The following PPP2R3A variants were observed in gnomAD, a reference collection of about 807,000 sequenced individuals.
The protein encoded by PPP2R3A is protein phosphatase 2 regulatory subunit B''alpha.
A neutral mutation model predicts 106.9 loss-of-function variants in PPP2R3A; 80 were observed. The observed-to-expected ratio is 0.75, with a 90% CI of 0.62 to 0.90. The LOEUF is 0.90. Among genes scored for constraint, PPP2R3A ranks in the 40% least tolerant of loss-of-function variants. PPP2R3A has a pLI of 0.00. For synonymous variants in PPP2R3A, 483 were observed against 468.3 expected, an observed-to-expected ratio of 1.03 and a Z score of -0.41; for missense variants, 1,386 against 1,350.4, an observed-to-expected ratio of 1.03 and a Z score of -0.41.
At chr3:135,990,051 A>G (rs1933094769) in intron 1 of PPP2R3A, among the ~76,000 whole-genome samples, 1 of 152,140 alleles carries the variant, frequency 6.6e-6, no homozygotes, top group Non-Finnish European at 1.5e-5. Flanking sequence ...TCTTATTTCT[A>G]CAGTCATTAC....
chr3:135,974,336 A>G (rs1236271985), intron 1 of PPP2R3A, among the ~76,000 whole-genome samples: 2 of 152,206 alleles, frequency 1.3e-5, no homozygotes, highest in Non-Finnish European at 2.9e-5. Context: ...TACCAAATGT[A>G]TATCTCCAAG....
rs775862012 is a variant in PPP2R3A at position 136,055,516 on chromosome 3, A to G, written c.2469+6155A>G. On this transcript the variant is annotated intron_variant, in intron 5 of 13. Coordinates refer to ENST00000264977, the MANE Select transcript of PPP2R3A (RefSeq NM_002718.5). ...GTTTAGTTTGGAGATTACAGGTTCT[A>G]TCGTGCCTCATTCTCTGCATTCACT... 1.7e-5 allele frequency: 21 copies of G among 1,218,162 alleles called. No individual in the cohort carries two copies. In the African/African-American group the frequency reaches 2.4e-4, roughly 14 times the overall value. The allele number at this position is 1,218,162 out of a possible 1,614,324, so 75.5% of individuals were successfully genotyped here.
At chr3:136,078,314 G>GTA in intron 6 of PPP2R3A, 53 bp from the exon 7 acceptor site, 1 of 1,254,814 alleles carries the variant, frequency 8.0e-7, no homozygotes, top group Non-Finnish European at 1.2e-6. Context: ...CTTTGAGAAA[G>GTA]TAGTGGAGAT....
chr3:136,140,425 GAC>G (rs1215481295), intron 13 of PPP2R3A, among the ~76,000 whole-genome samples: 4 of 136,506 alleles, frequency 2.9e-5, no homozygotes, highest in Non-Finnish European at 6.1e-5. Flanking sequence ...CAGCCTGGGT[GAC>G]AGAGTGAGAC....
chr3:136,055,428 T>G, intron 5 of PPP2R3A: 1 of 1,058,606 alleles, frequency 9.4e-7, no homozygotes, highest in South Asian at 1.3e-5. Flanking sequence ...GGTGCCATAA[T>G]GCAAATGCTT....
At chr3:136,112,185 C>CA (rs1203258470) in intron 13 of PPP2R3A, among the ~76,000 whole-genome samples, 2 of 152,156 alleles carry the variant, frequency 1.3e-5, no homozygotes, top group African/African-American at 4.8e-5. Flanking sequence ...CAGCCAGCGT[C>CA]ACAATGAATG....
intron 13 of PPP2R3A, among the ~76,000 whole-genome samples, chr3:136,136,076 ATAT>A (rs1938612198): frequency 3.4e-5 from 1 of 29,824 alleles, no homozygotes; most frequent in Non-Finnish European, 1.7e-4. Flanking sequence ...AAAAAAAATT[ATAT>A]ATATATATAT....
rs1445458210 is a variant in PPP2R3A at position 136,049,875 on chromosome 3, A to G, written c.2469+514A>G. Among the ~76,000 whole-genome samples, 4 of 152,240 alleles carry G rather than the reference A, an allele frequency of 2.6e-5. No homozygotes were observed. The East Asian group carries it at 7.7e-4, about 29-fold the overall frequency. ...TGGTTTCCTGATTCTTCAACCCAAG[A>G]TATATTTGAAACAGAAAATTAGAAT... On this transcript the variant is annotated intron_variant, in intron 5 of 13. Transcript: ENST00000264977.
At chr3:136,123,371 A>G (rs574522058) in intron 13 of PPP2R3A, among the ~76,000 whole-genome samples, 5 of 152,334 alleles carry the variant, frequency 3.3e-5, no homozygotes, top group African/African-American at 7.2e-5. Context: ...TTGGTTCTCC[A>G]TGGTGGGGCA....
At chr3:136,085,622 TTC>T (rs1559911422) in intron 8 of PPP2R3A, among the ~76,000 whole-genome samples, 1 of 152,216 alleles carries the variant, frequency 6.6e-6, no homozygotes, top group Non-Finnish European at 1.5e-5. Context: ...TGATTCATTC[TTC>T]TCTCATAAGA....
At chr3:136,140,515 G>A (rs987400841) in intron 13 of PPP2R3A, among the ~76,000 whole-genome samples, 2 of 150,980 alleles carry the variant, frequency 1.3e-5, no homozygotes, top group African/African-American at 2.4e-5. Context: ...TTGGGAGACC[G>A]AGGCGGGCGG....
intron 13 of PPP2R3A, among the ~76,000 whole-genome samples, chr3:136,136,045 CAAAAAAAAAAAAAA>C (rs34558229): frequency 4.5e-5 from 1 of 22,364 alleles, no homozygotes; most frequent in Non-Finnish European, 8.1e-5. Flanking sequence ...GACTCCGTCT[CAAAAAAAAAAAAAA>C]AAAAAAAAAA....
chr3:136,065,711 C>G (rs1254176823), intron 5 of PPP2R3A, among the ~76,000 whole-genome samples: 2 of 152,196 alleles, frequency 1.3e-5, no homozygotes, highest in South Asian at 2.1e-4. Context: ...GGATCTCGCT[C>G]TGTTTCCCAG....
intron 3 of PPP2R3A, among the ~76,000 whole-genome samples, chr3:136,039,303 G>A (rs538320139): frequency 4.4e-4 from 67 of 152,282 alleles, no homozygotes; most frequent in Admixed American, 1.0e-3. Context: ...AATGTGACTT[G>A]TTGAAGAGTT....
chr3:135,967,756 A>G (rs1378968974), intron 1 of PPP2R3A, among the ~76,000 whole-genome samples: 2 of 152,114 alleles, frequency 1.3e-5, no homozygotes, highest in Non-Finnish European at 2.9e-5. Context: ...ATATTTAAAA[A>G]TCACCACCCT....
chr3:135,999,758 A>G (rs1933548081), intron 1 of PPP2R3A, among the ~76,000 whole-genome samples: 1 of 151,742 alleles, frequency 6.6e-6, no homozygotes, highest in African/African-American at 2.4e-5. Context: ...TCAGATTTTT[A>G]TTTATTTACT....
chr3:136,011,994 T>TAAAC (rs1553743075), intron 2 of PPP2R3A, among the ~76,000 whole-genome samples: 2 of 148,170 alleles, frequency 1.3e-5, no homozygotes, highest in African/African-American at 4.9e-5. Flanking sequence ...CACACACACA[T>TAAAC]ACACACACAC....
In PPP2R3A at chr3:135,979,572, C is replaced by T. The variant is rs189066794; in HGVS notation, c.-441+13723C>T. On this transcript the variant is annotated intron_variant, in intron 1 of 13. Transcript: ENST00000264977. The stretch of plus-strand genomic sequence containing the variant: ...GGGTCCCTTTAACTGAAGTACACAG[C>T]GTTGCTGCTCATTTTAAAAGGCTAA... Among the ~76,000 whole-genome samples, 7 of 151,840 alleles carry T rather than the reference C, an allele frequency of 4.6e-5. 1 individual carries two copies. In the East Asian group the frequency reaches 7.7e-4, roughly 17 times the overall value.
At chr3:135,975,522 C>T (rs1358224521) in intron 1 of PPP2R3A, among the ~76,000 whole-genome samples, 1 of 152,080 alleles carries the variant, frequency 6.6e-6, no homozygotes, top group Non-Finnish European at 1.5e-5. Context: ...CTTTCCTTTT[C>T]CTAGATGAGC....
Sources: gnomAD v4.1 joint callset for allele counts (sites outside exome capture counted in the v4.1 genomes callset) on GRCh38, gnomAD v4.1.1 for gene constraint, MANE v1.5 for transcripts, NCBI Gene and HGNC (gene_info 2026-07-23, HGNC 2026-07-21) for gene names.